SETBP1: variants seen among roughly 807,000 people sequenced by gnomAD.
SETBP1 encodes the protein SET binding protein 1, also known as SET-binding protein.
A neutral mutation model predicts 101.0 loss-of-function variants in SETBP1; 9 were observed. That is an observed-to-expected ratio of 0.09 (90% CI 0.05 to 0.16). The LOEUF is 0.16. Ranked by LOEUF, SETBP1 falls within the 10% of genes least tolerant of loss-of-function variation. SETBP1 has a pLI of 1.00. For synonymous variants in SETBP1, 818 were observed against 788.5 expected (o/e 1.04, Z -0.63); for missense variants, 1,858 against 2,033.8 (o/e 0.91, Z 1.66).
chr18:44,762,326 A>T (rs945913052), intron 2 of SETBP1, among the ~76,000 whole-genome samples: 31 of 152,308 alleles, frequency 2.0e-4, no homozygotes, highest in African/African-American at 7.5e-4. Context: ...CTGAGTTCTT[A>T]AGATATTGTT....
intron 5 of SETBP1, among the ~76,000 whole-genome samples, chr18:45,053,370 G>A (rs975968609): frequency 5.3e-5 from 8 of 152,152 alleles, no homozygotes; most frequent in African/African-American, 1.9e-4. Context: ...ACAGATGAAG[G>A]ATTAGAGGAT....
rs2071404907 is a variant in SETBP1, at chr18:44,953,195, C to T, written c.3855C>T (p.Asn1285=). Residue 1285 remains asparagine (N), a synonymous_variant, in exon 4 of 6, where the codon AAC becomes AAT. Transcript: ENST00000649279. ...ACCTGGACGTGTTCAGTGAAATGAA[C>T]CCTTCGAATGACAAGTGGGACAGTG... is the stretch of plus-strand genomic sequence containing the variant. ...SENLDVFSEM[N]PSNDKWDSDV... 6.2e-7 allele frequency: 1 copy of T among 1,613,930 alleles called. No individual in the cohort carries two copies. The highest frequency in any genetic ancestry group is 8.5e-7 in the Non-Finnish European group (1 of 1,180,012).
rs114389111 is a variant in SETBP1 at position 44,839,659 on chromosome 18, G to A, written c.487-29571G>A. On this transcript the variant is annotated intron_variant, in intron 2 of 5. Transcript: ENST00000649279. ...TGTCCAGACTACTTAGGCTCTAACA[G>A]CATAACAACAGGTAGAGGACCAAAG... 1.7e-3 allele frequency among the ~76,000 whole-genome samples: 261 copies of A among 152,340 alleles called. 1 individual carries two copies. Among genetic ancestry groups the A allele is most frequent in the African/African-American group, 6.1e-3 (254 of 41,562 alleles).
chr18:44,837,423 G>A (rs867966934), intron 2 of SETBP1, among the ~76,000 whole-genome samples: 1 of 152,194 alleles, frequency 6.6e-6, no homozygotes, highest in African/African-American at 2.4e-5. Context: ...ATAAATGTAT[G>A]AAGTATGTTA....
chr18:44,995,342 A>T (rs933130014), intron 4 of SETBP1, among the ~76,000 whole-genome samples: 11 of 151,754 alleles, frequency 7.2e-5, no homozygotes, highest in Admixed American at 6.6e-4. Flanking sequence ...AGGGTTTCAC[A>T]GTGTTAGCCA....
At chr18:44,868,795 A>C (rs192848315) in intron 2 of SETBP1, among the ~76,000 whole-genome samples, 1 of 151,540 alleles carries the variant, frequency 6.6e-6, no homozygotes, top group East Asian at 2.0e-4. Flanking sequence ...GAGGAGATGG[A>C]CCTTTGTCTC....
intron 1 of SETBP1, 94 bp from the exon 2 acceptor site, chr18:44,701,081 T>C: frequency 2.7e-6 from 1 of 370,556 alleles, no homozygotes; most frequent in Non-Finnish European, 4.8e-6. Flanking sequence ...CCGGATGCCA[T>C]AGATACGTGG....
chr18:44,705,420 G>A (rs751439143), intron 2 of SETBP1, among the ~76,000 whole-genome samples: 8 of 151,978 alleles, frequency 5.3e-5, no homozygotes, highest in Non-Finnish European at 1.2e-4. Flanking sequence ...CTTAACTTAG[G>A]GTAAGGACAT....
intron 4 of SETBP1, among the ~76,000 whole-genome samples, chr18:44,964,874 G>A (rs536519824): frequency 1.3e-5 from 2 of 152,238 alleles, no homozygotes; most frequent in East Asian, 3.9e-4. Context: ...TCTCTTAAGT[G>A]TTTTCCCAGA....
intron 5 of SETBP1, among the ~76,000 whole-genome samples, chr18:45,043,051 A>C (rs1251283064): frequency 2.6e-5 from 4 of 152,182 alleles, no homozygotes. Flanking sequence ...CTTCTATTAC[A>C]CTAGCCCAAT....
At chr18:44,933,353 T>C (rs941971557) in intron 3 of SETBP1, among the ~76,000 whole-genome samples, 2 of 152,182 alleles carry the variant, frequency 1.3e-5, no homozygotes, top group African/African-American at 4.8e-5. Context: ...GAGGTGTCAG[T>C]CGGCCCCTAC....
intron 4 of SETBP1, among the ~76,000 whole-genome samples, chr18:44,962,236 C>T (rs922225069): frequency 7.2e-5 from 11 of 152,244 alleles, no homozygotes; most frequent in African/African-American, 2.4e-4. Context: ...CAAAGTCTTG[C>T]GGCAGAAGCT....
chr18:44,705,551 T>A (rs978956024), intron 2 of SETBP1, among the ~76,000 whole-genome samples: 1 of 152,184 alleles, frequency 6.6e-6, no homozygotes, highest in Non-Finnish European at 1.5e-5. Context: ...TTGTTGTTAT[T>A]TAAGTGAACC....
chr18:44,887,980 G>C (rs1016052695), intron 3 of SETBP1, among the ~76,000 whole-genome samples: 1 of 152,130 alleles, frequency 6.6e-6, no homozygotes, highest in Non-Finnish European at 1.5e-5. Flanking sequence ...AGACAGTAGA[G>C]CCAAGCTAAA....
intron 3 of SETBP1, among the ~76,000 whole-genome samples, chr18:44,885,363 A>G (rs1322499322): frequency 2.6e-5 from 4 of 152,198 alleles, no homozygotes; most frequent in Non-Finnish European, 5.9e-5. Context: ...CTTAACAAGT[A>G]AATGAGCACA....
intron 4 of SETBP1, among the ~76,000 whole-genome samples, chr18:44,998,800 T>C (rs2072555035): frequency 6.6e-6 from 1 of 152,220 alleles, no homozygotes; most frequent in South Asian, 2.1e-4. Context: ...ATAAACAATA[T>C]TATTCACTGC....
intron 2 of SETBP1, among the ~76,000 whole-genome samples, chr18:44,867,196 A>G (rs890061159): frequency 3.3e-5 from 5 of 152,238 alleles, no homozygotes; most frequent in Non-Finnish European, 4.4e-5. Flanking sequence ...AAAATTACAT[A>G]AAGCAGCACC....
chr18:44,860,525 T>C (rs879873780), intron 2 of SETBP1, among the ~76,000 whole-genome samples: 10 of 152,156 alleles, frequency 6.6e-5, no homozygotes, highest in Admixed American at 1.3e-4. Flanking sequence ...GGTGGGCAGA[T>C]CACCTGAGGT....
At chr18:44,898,048 G>A (rs2069949811) in intron 3 of SETBP1, among the ~76,000 whole-genome samples, 1 of 152,172 alleles carries the variant, frequency 6.6e-6, no homozygotes, top group South Asian at 2.1e-4. Flanking sequence ...GACTTCTGAG[G>A]AATGGAAACC....
Sources: allele counts gnomAD v4.1 joint callset (sites outside exome capture counted in the v4.1 genomes callset), GRCh38; gene constraint gnomAD v4.1.1; transcripts MANE v1.5; gene names NCBI Gene and HGNC (gene_info 2026-07-23, HGNC 2026-07-21).